Variants in WBP1L observed in about 807,000 individuals in gnomAD.
WBP1L encodes WW domain binding protein 1 like.
WBP1L carries 17 observed loss-of-function variants against 33.7 expected under a neutral mutation model. That is an observed-to-expected ratio of 0.50 (90% CI 0.34 to 0.76). The LOEUF (loss-of-function observed/expected upper bound fraction) is 0.76. Among genes scored for constraint, WBP1L ranks in the 30% least tolerant of loss-of-function variants. The probability of loss-of-function intolerance (pLI) is 0.01; values close to 1 mark genes in which losing one functional copy is unlikely to be tolerated. For missense variants in WBP1L, 389 were observed against 469.4 expected, an observed-to-expected ratio of 0.83 and a Z score of 1.58; for synonymous variants, 173 against 190.8, an observed-to-expected ratio of 0.91 and a Z score of 0.77.
chr10:102,804,419 TAA>T (rs143565698), intron 2 of WBP1L, among the ~76,000 whole-genome samples: 4 of 138,048 alleles, frequency 2.9e-5, no homozygotes, highest in Non-Finnish European at 1.6e-5. Context: ...CTTTTTTTTT[TAA>T]AAAAAAAATT....
At chr10:102,760,957 G>T (rs1264770591) in intron 1 of WBP1L, among the ~76,000 whole-genome samples, 1 of 152,012 alleles carries the variant, frequency 6.6e-6, no homozygotes, top group Non-Finnish European at 1.5e-5. Flanking sequence ...CACAATCTCG[G>T]CTCATTGCAA....
At position 102,803,117 on chromosome 10, in the gene WBP1L, G is replaced by A. The variant is rs573943124; in HGVS notation, c.193+5022G>A. 7.2e-5 allele frequency among the ~76,000 whole-genome samples: 11 copies of A among 152,284 alleles called. 1 individual carries two copies. The highest frequency in any genetic ancestry group is 1.9e-4 in the African/African-American group (8 of 41,558). On this transcript the variant is annotated intron_variant, in intron 2 of 3. Coordinates refer to ENST00000448841, the MANE Select transcript of WBP1L (RefSeq NM_001083913.2). ...AGGCCATCTGCCTTTTCTCTTCCAC[G>A]TCTGCAGTCATGCTTGTAGGAAAGT...
chr10:102,749,378 C>G (rs1031012978), intron 1 of WBP1L, among the ~76,000 whole-genome samples: 3 of 152,094 alleles, frequency 2.0e-5, no homozygotes, highest in African/African-American at 4.8e-5. Context: ...TCAAGCGATC[C>G]TTCTGCCTCA....
At chr10:102,784,677 G>T (rs1392881862) in intron 1 of WBP1L, among the ~76,000 whole-genome samples, 13 of 151,548 alleles carry the variant, frequency 8.6e-5, no homozygotes, top group African/African-American at 3.2e-4. Context: ...TGCCCACCTT[G>T]GCCTCCCAAA....
At chr10:102,746,960 C>T (rs1385854091) in intron 1 of WBP1L, among the ~76,000 whole-genome samples, 1 of 152,178 alleles carries the variant, frequency 6.6e-6, no homozygotes, top group African/African-American at 2.4e-5. Context: ...TTTATGCAGG[C>T]AGGCCCTGGA....
intron 1 of WBP1L, among the ~76,000 whole-genome samples, chr10:102,750,133 C>T (rs111953016): frequency 6.6e-6 from 1 of 151,618 alleles, no homozygotes; most frequent in African/African-American, 2.4e-5. Context: ...TCAGGTCAGG[C>T]GCAGTGGTTC....
intron 1 of WBP1L, among the ~76,000 whole-genome samples, chr10:102,776,996 A>G (rs1427446164): frequency 2.0e-5 from 3 of 152,006 alleles, no homozygotes; most frequent in South Asian, 2.1e-4. Flanking sequence ...CCAGTTTTTC[A>G]AAAAGACCCC....
rs560991874 is a variant in WBP1L, at chr10:102,777,448, C to T, written c.91-20545C>T. On this transcript the variant is annotated intron_variant, in intron 1 of 3. Transcript: ENST00000448841. ...TTCAAAGGAAGCTCCTCTGAAAAGCCCCAAACATTCCATTACAGCTCTTGT... is the reference window on the plus strand; with the variant it reads ...TTCAAAGGAAGCTCCTCTGAAAAGCTCCAAACATTCCATTACAGCTCTTGT... 9.9e-5 allele frequency among the ~76,000 whole-genome samples: 15 copies of T among 152,212 alleles called. No individual in the cohort carries two copies. In the South Asian group the frequency reaches 3.1e-3, roughly 32 times the overall value.
At chr10:102,749,854 T>G (rs933385739) in intron 1 of WBP1L, among the ~76,000 whole-genome samples, 1 of 151,782 alleles carries the variant, frequency 6.6e-6, no homozygotes, top group African/African-American at 2.4e-5. Context: ...CTTGGCTCAC[T>G]GCCACCTCTG....
At chr10:102,765,845 T>G (rs1456440255) in intron 1 of WBP1L, among the ~76,000 whole-genome samples, 1 of 152,326 alleles carries the variant, frequency 6.6e-6, no homozygotes, top group East Asian at 1.9e-4. Flanking sequence ...CAGAACTGCT[T>G]CTAAGGACTC....
At chr10:102,787,248 A>C (rs1465084636) in intron 1 of WBP1L, among the ~76,000 whole-genome samples, 1 of 152,198 alleles carries the variant, frequency 6.6e-6, no homozygotes, top group African/African-American at 2.4e-5. Flanking sequence ...TGTGGTATAT[A>C]CTAGAAAGGA....
chr10:102,809,420 G>T (rs1268791221), intron 2 of WBP1L, among the ~76,000 whole-genome samples: 1 of 151,880 alleles, frequency 6.6e-6, no homozygotes, highest in Non-Finnish European at 1.5e-5. Flanking sequence ...CGCCCAGGCT[G>T]GAGTGCAGTG....
At chr10:102,747,530 T>C (rs1842878200) in intron 1 of WBP1L, among the ~76,000 whole-genome samples, 1 of 152,152 alleles carries the variant, frequency 6.6e-6, no homozygotes, top group Non-Finnish European at 1.5e-5. Flanking sequence ...GTTGTTTTTG[T>C]TTTGTTTTTG....
intron 1 of WBP1L, among the ~76,000 whole-genome samples, chr10:102,778,534 C>T (rs1843296069): frequency 6.6e-6 from 1 of 152,214 alleles, no homozygotes. Flanking sequence ...GGATCAACAG[C>T]AGGTGAACCT....
chr10:102,790,603 C>T (rs973619595), intron 1 of WBP1L, among the ~76,000 whole-genome samples: 5 of 152,056 alleles, frequency 3.3e-5, no homozygotes, highest in Admixed American at 6.6e-5. Flanking sequence ...CTCTGCCTCC[C>T]GGGTTCAAGC....
intron 1 of WBP1L, among the ~76,000 whole-genome samples, chr10:102,788,903 C>T (rs1431477328): frequency 6.6e-6 from 1 of 152,148 alleles, no homozygotes; most frequent in East Asian, 1.9e-4. Flanking sequence ...AGGGACTAGC[C>T]AAAGCCAACA....
intron 1 of WBP1L, among the ~76,000 whole-genome samples, chr10:102,768,364 G>GTTTTTTTTTTTTTTTTTTTTTTTT (rs1436727549): frequency 4.5e-5 from 2 of 44,578 alleles, no homozygotes; most frequent in South Asian, 6.2e-4. Flanking sequence ...CCTGGCATTA[G>GTTTTTTTTTTTTTTTTTTTTTTTT]TTTTTTGTTT....
At chr10:102,750,178 C>T (rs1042942508) in intron 1 of WBP1L, among the ~76,000 whole-genome samples, 5 of 151,306 alleles carry the variant, frequency 3.3e-5, no homozygotes, top group African/African-American at 7.3e-5. Context: ...GAGGCTGAGG[C>T]GGGTGGATCA....
At chr10:102,810,148 C>G in intron 3 of WBP1L, 94 bp downstream of exon 3, 2 of 1,491,770 alleles carry the variant, frequency 1.3e-6, no homozygotes, top group Non-Finnish European at 1.8e-6. Context: ...CTCCTGTAGG[C>G]ATAGGGGGTT....
Sources: gnomAD v4.1 joint callset for allele counts (sites outside exome capture counted in the v4.1 genomes callset) on GRCh38, gnomAD v4.1.1 for gene constraint, MANE v1.5 for transcripts, NCBI Gene and HGNC (gene_info 2026-07-23, HGNC 2026-07-21) for gene names.